MAGI2: variants seen among roughly 807,000 people sequenced by gnomAD.
MAGI2 encodes membrane associated guanylate kinase, WW and PDZ domain containing 2.
MAGI2 carries 35 observed loss-of-function variants against 133.3 expected under a neutral mutation model. The observed-to-expected ratio is 0.26, with a 90% CI of 0.20 to 0.35. The LOEUF (loss-of-function observed/expected upper bound fraction) is 0.35, where lower values mean the gene tolerates loss of function less well. MAGI2 is among the 10% of genes least tolerant of loss of function. The probability of loss-of-function intolerance (pLI) is 1.00; values close to 1 mark genes in which losing one functional copy is unlikely to be tolerated. For synonymous variants in MAGI2, 729 were observed against 710.6 expected (o/e 1.03, Z -0.41); for missense variants, 1,636 against 1,863.4 (o/e 0.88, Z 2.25).
At chr7:79,133,366 T>C (rs1436926454) in intron 1 of MAGI2, among the ~76,000 whole-genome samples, 1 of 152,236 alleles carries the variant, frequency 6.6e-6, no homozygotes, top group East Asian at 1.9e-4. Context: ...TTCTTCTGCA[T>C]GTGGCTTGCC....
chr7:78,037,944 C>T (rs887211763), intron 21 of MAGI2, among the ~76,000 whole-genome samples: 1 of 152,210 alleles, frequency 6.6e-6, no homozygotes, highest in Non-Finnish European at 1.5e-5. Context: ...AAAAACTCAG[C>T]GCTTTGTCTC....
chr7:78,305,387 C>CGTGTCT (rs974803288), intron 9 of MAGI2, among the ~76,000 whole-genome samples: 1 of 152,160 alleles, frequency 6.6e-6, no homozygotes, highest in African/African-American at 2.4e-5. Context: ...AGACAGCGAG[C>CGTGTCT]GTGTCTACTT....
intron 1 of MAGI2, among the ~76,000 whole-genome samples, chr7:79,364,880 A>T (rs1219814559): frequency 2.0e-5 from 3 of 150,654 alleles, no homozygotes; most frequent in South Asian, 2.1e-4. Context: ...CAAAATTCAT[A>T]AAAAAATTAA....
intron 2 of MAGI2, among the ~76,000 whole-genome samples, chr7:78,884,671 T>C (rs139308496): frequency 0.012 from 1,761 of 151,948 alleles, 32 homozygotes; most frequent in African/African-American, 0.041. Flanking sequence ...CAAAAAATAA[T>C]AGATGCTGGC....
chr7:78,324,290 T>C (rs1308353755), intron 9 of MAGI2, among the ~76,000 whole-genome samples: 2 of 151,300 alleles, frequency 1.3e-5, no homozygotes, highest in East Asian at 1.9e-4. Context: ...ACTTTAGAGA[T>C]GGGACTTAAG....
At chr7:79,179,884 CAG>C (rs1826461673) in intron 1 of MAGI2, among the ~76,000 whole-genome samples, 2 of 152,022 alleles carry the variant, frequency 1.3e-5, no homozygotes, top group East Asian at 3.9e-4. Flanking sequence ...ATGGTTAAGA[CAG>C]AAAAGCGCAG....
intron 1 of MAGI2, among the ~76,000 whole-genome samples, chr7:79,132,913 A>G (rs958770501): frequency 2.0e-5 from 3 of 151,874 alleles, no homozygotes; most frequent in Non-Finnish European, 4.4e-5. Context: ...GATGCTGAGC[A>G]TTTTTTCCTA....
At chr7:78,831,902 T>C (rs1460186277) in intron 2 of MAGI2, among the ~76,000 whole-genome samples, 4 of 152,216 alleles carry the variant, frequency 2.6e-5, no homozygotes, top group Non-Finnish European at 5.9e-5. Context: ...AATTTATTTA[T>C]ACTGGTGGTT....
chr7:79,032,034 T>C (rs1810632089), intron 1 of MAGI2, among the ~76,000 whole-genome samples: 1 of 152,150 alleles, frequency 6.6e-6, no homozygotes, highest in African/African-American at 2.4e-5. Flanking sequence ...ACCAACTTAA[T>C]ATATAATTTT....
chr7:78,941,615 C>T (rs1432256658), intron 2 of MAGI2, among the ~76,000 whole-genome samples: 1 of 152,026 alleles, frequency 6.6e-6, no homozygotes, highest in Non-Finnish European at 1.5e-5. Flanking sequence ...GGATTACAGT[C>T]ATGAGCCACT....
chr7:78,236,027 GTT>G (rs34874243), intron 10 of MAGI2, among the ~76,000 whole-genome samples: 39,415 of 134,354 alleles, frequency 0.29, 5,891 homozygotes, highest in Admixed American at 0.37. Flanking sequence ...AAGACTGTAT[GTT>G]TTTTTTTTTT....
chr7:78,132,231 A>G (rs562197327), intron 18 of MAGI2, among the ~76,000 whole-genome samples: 1 of 152,280 alleles, frequency 6.6e-6, no homozygotes, highest in South Asian at 2.1e-4. Context: ...CCACATCATC[A>G]TCATTCTCTG....
At chr7:79,438,805 G>T (rs1257542345) in intron 1 of MAGI2, among the ~76,000 whole-genome samples, 2 of 151,980 alleles carry the variant, frequency 1.3e-5, no homozygotes, top group Non-Finnish European at 2.9e-5. Flanking sequence ...CTCCATAAGT[G>T]AGTGAAACCA....
At chr7:79,416,895 T>A (rs990457470) in intron 1 of MAGI2, among the ~76,000 whole-genome samples, 2 of 151,320 alleles carry the variant, frequency 1.3e-5, no homozygotes, top group African/African-American at 4.9e-5. Flanking sequence ...CCACCATGCC[T>A]GAAAAATTTT....
At chr7:79,132,200 T>C (rs1820997765) in intron 1 of MAGI2, among the ~76,000 whole-genome samples, 1 of 152,138 alleles carries the variant, frequency 6.6e-6, no homozygotes, top group African/African-American at 2.4e-5. Context: ...CATACATGGG[T>C]GAATTATATA....
At chr7:78,795,642 T>TAA (rs58520307) in intron 2 of MAGI2, among the ~76,000 whole-genome samples, 16 of 151,866 alleles carry the variant, frequency 1.1e-4, no homozygotes, top group South Asian at 8.3e-4. Context: ...CACAGAAATA[T>TAA]AAAAAAAATC....
intron 1 of MAGI2, among the ~76,000 whole-genome samples, chr7:79,104,393 G>A (rs554940960): frequency 2.0e-5 from 3 of 152,238 alleles, no homozygotes; most frequent in East Asian, 3.9e-4. Flanking sequence ...TTTAGGCCGG[G>A]CGCCGTGGCT....
At chr7:78,331,723 G>C (rs1789219265) in intron 9 of MAGI2, among the ~76,000 whole-genome samples, 1 of 152,038 alleles carries the variant, frequency 6.6e-6, no homozygotes, top group Non-Finnish European at 1.5e-5. Flanking sequence ...ATACCCAGTA[G>C]CATACTCTGG....
intron 2 of MAGI2, among the ~76,000 whole-genome samples, chr7:78,802,685 A>T (rs1195972882): frequency 6.6e-6 from 1 of 152,168 alleles, no homozygotes; most frequent in Non-Finnish European, 1.5e-5. Context: ...TAGAATGTAC[A>T]ACACCAAGAA....
Sources: gnomAD v4.1 joint callset for allele counts (sites outside exome capture counted in the v4.1 genomes callset) on GRCh38, gnomAD v4.1.1 for gene constraint, MANE v1.5 for transcripts, NCBI Gene and HGNC (gene_info 2026-07-23, HGNC 2026-07-21) for gene names.